Variants in TMEM131L observed in about 807,000 individuals in gnomAD.
TMEM131L encodes the protein transmembrane 131 like, also known as transmembrane protein 131-like.
In TMEM131L, 54 loss-of-function variants were observed where a neutral mutation model predicts 192.2. The observed-to-expected ratio is 0.28, with a 90% CI of 0.23 to 0.35. TMEM131L has a LOEUF of 0.35. TMEM131L is among the 10% of genes least tolerant of loss of function. TMEM131L has a pLI of 1.00. For missense variants in TMEM131L, 1,888 were observed against 1,972.9 expected, an observed-to-expected ratio of 0.96 and a Z score of 0.82; for synonymous variants, 701 against 704.9, an observed-to-expected ratio of 0.99 and a Z score of 0.09.
At chr4:153,564,679 C>A (rs1023110584) in intron 7 of TMEM131L, among the ~76,000 whole-genome samples, 27 of 152,126 alleles carry the variant, frequency 1.8e-4, no homozygotes, top group African/African-American at 5.6e-4. Flanking sequence ...TTGTTGCATT[C>A]TTCTTGTTGT....
intron 7 of TMEM131L, among the ~76,000 whole-genome samples, chr4:153,577,056 G>A (rs148266360): frequency 1.1e-3 from 173 of 152,284 alleles, no homozygotes; most frequent in South Asian, 0.01. Flanking sequence ...TGGTGTCTGA[G>A]AGGGTATTTA....
intron 3 of TMEM131L, among the ~76,000 whole-genome samples, chr4:153,487,377 G>A (rs1037185172): frequency 6.6e-6 from 1 of 152,038 alleles, no homozygotes; most frequent in Non-Finnish European, 1.5e-5. Context: ...GAGTGTGTCC[G>A]AAGAAGTTCT....
Position 153,498,349 on chromosome 4 carries a change from G to C in TMEM131L, c.239+24461G>C, listed in dbSNP as rs79996630. The stretch of plus-strand genomic sequence containing the variant: ...CAGAGAGGCAGGGTTTACAGCAGCA[G>C]AGCCAAGGAGGGCTGAGGCCAGCTT... On this transcript the variant is annotated intron_variant, in intron 3 of 34. Transcript: ENST00000409959. Among the ~76,000 whole-genome samples the C allele has an allele frequency of 7.3e-3, 1,119 of 152,314 alleles. 23 individuals are homozygous for C. In the East Asian group the frequency reaches 0.1, roughly 14 times the overall value.
chr4:153,592,483 CT>C lies in TMEM131L; in HGVS notation c.1824del (p.Phe608LeufsTer27). On this transcript the variant is annotated frameshift_variant, in exon 18 of 35. Coordinates refer to ENST00000409959, the MANE Select transcript of TMEM131L (RefSeq NM_001131007.2). LOFTEE classifies it high-confidence loss of function. Reference sequence around the variant, plus strand: ...TCTTTCCTCACACCTAGATCAAGTACTTTGTGGTGCAGAACCCGTCCTCTTG... The same window carrying C: ...TCTTTCCTCACACCTAGATCAAGTACTTGTGGTGCAGAACCCGTCCTCTTG... ...TALRSRMIKY[F>X]VVQNPSSWPV... 1 of 1,613,440 alleles carries C rather than the reference CT, an allele frequency of 6.2e-7. No individual in the cohort carries two copies. Among genetic ancestry groups the C allele is most frequent in the Non-Finnish European group, 8.5e-7 (1 of 1,179,398 alleles).
chr4:153,625,514 C>T (rs1027299690), intron 29 of TMEM131L, among the ~76,000 whole-genome samples: 6 of 152,082 alleles, frequency 3.9e-5, no homozygotes, highest in African/African-American at 1.2e-4. Context: ...GCATAGTATG[C>T]AGTCTTCAAG....
At chr4:153,503,300 C>A (rs909290392) in intron 3 of TMEM131L, among the ~76,000 whole-genome samples, 2 of 152,068 alleles carry the variant, frequency 1.3e-5, no homozygotes, top group Non-Finnish European at 2.9e-5. Flanking sequence ...TTCCTCCTTT[C>A]TCTGGGAGCA....
chr4:153,583,069 A>G (rs933808103), intron 9 of TMEM131L, 121 bp from the exon 10 acceptor site: 9 of 642,576 alleles, frequency 1.4e-5, no homozygotes, highest in East Asian at 5.7e-5. Flanking sequence ...ACAAGTTAAC[A>G]TTTTTTATAG....
chr4:153,572,056 T>C (rs974203877), intron 7 of TMEM131L, among the ~76,000 whole-genome samples: 6 of 152,234 alleles, frequency 3.9e-5, no homozygotes, highest in Admixed American at 3.9e-4. Flanking sequence ...TTTTTCCTTT[T>C]TAGTTGGCAT....
Position 153,602,273 on chromosome 4 carries a change from A to G in TMEM131L, c.2388A>G (p.Gly796=), listed in dbSNP as rs138033169. 19 of 1,613,846 alleles carry G rather than the reference A, an allele frequency of 1.2e-5. No homozygotes were observed. Among genetic ancestry groups the G allele is most frequent in the Non-Finnish European group, 1.6e-5 (19 of 1,179,940 alleles). ...ATGGGTATAACTGCCAAGGTTATGG[A>G]TTCGAGGTGCTGGATTGTCATCAGT... ...KINGYNCQGY[G]FEVLDCHQFS... is the part of the protein sequence containing the mutation. The change falls in exon 22 of 35, where the codon GGA becomes GGG. Residue 796 remains glycine (G), a synonymous_variant. Coordinates refer to ENST00000409959, the MANE Select transcript of TMEM131L (RefSeq NM_001131007.2).
At chr4:153,468,004 A>G (rs773193984) in intron 2 of TMEM131L, among the ~76,000 whole-genome samples, 70 of 152,334 alleles carry the variant, frequency 4.6e-4, no homozygotes, top group Non-Finnish European at 9.7e-4. Flanking sequence ...AACGGTAGTG[A>G]TCCAAAATGC....
chr4:153,589,136 G>C (rs767990968), intron 16 of TMEM131L, 129 bp downstream of exon 16: 37 of 607,280 alleles, frequency 6.1e-5, no homozygotes, highest in Non-Finnish European at 1.0e-4. Context: ...AACTGTAGCA[G>C]ACCCTATATA....
intron 3 of TMEM131L, among the ~76,000 whole-genome samples, chr4:153,478,035 C>T (rs974948428): frequency 3.9e-5 from 6 of 152,174 alleles, no homozygotes; most frequent in Admixed American, 2.6e-4. Flanking sequence ...GTCTGATCAA[C>T]CTTAATTTAT....
chr4:153,599,284 T>G (rs369098237), intron 21 of TMEM131L, among the ~76,000 whole-genome samples: 37 of 151,922 alleles, frequency 2.4e-4, no homozygotes, highest in African/African-American at 8.5e-4. Flanking sequence ...ATTGCGGGAG[T>G]CGGGGGAGGG....
chr4:153,581,556 C>T lies in TMEM131L; in HGVS notation c.888C>T (p.Thr296=), dbSNP rs910778003. 7.1e-5 allele frequency: 110 copies of T among 1,540,110 alleles called. No homozygotes were observed. The highest frequency in any genetic ancestry group is 9.4e-5 in the Non-Finnish European group (107 of 1,139,630). The change falls in exon 9 of 35, where the codon ACC becomes ACT. Residue 296 remains threonine, a synonymous_variant. Transcript: ENST00000409959. ...IVYVATDESE[T]SDDSAVNMYI... is the part of the protein sequence containing the mutation. ...ACGTAGCTACAGATGAATCTGAGAC[C>T]TCAGGTAAGGTGGAATGTTTAAAAA...
chr4:153,609,667 G>T (rs1732480928), intron 25 of TMEM131L, among the ~76,000 whole-genome samples: 1 of 152,088 alleles, frequency 6.6e-6, no homozygotes, highest in Admixed American at 6.5e-5. Context: ...TACTTTTTGG[G>T]GATGGTTTTG....
intron 7 of TMEM131L, among the ~76,000 whole-genome samples, chr4:153,566,506 T>A (rs1578759374): frequency 7.4e-6 from 1 of 134,496 alleles, no homozygotes; most frequent in Non-Finnish European, 1.5e-5. Flanking sequence ...TTTGTCTTTG[T>A]GTGTGAGTGT....
chr4:153,496,900 G>A (rs1386662248), intron 3 of TMEM131L, among the ~76,000 whole-genome samples: 1 of 151,662 alleles, frequency 6.6e-6, no homozygotes, highest in Non-Finnish European at 1.5e-5. Flanking sequence ...TCATTATGTG[G>A]CCTAGGCTGG....
At chr4:153,473,421 G>C (rs1348432164) in intron 2 of TMEM131L, among the ~76,000 whole-genome samples, 1 of 152,194 alleles carries the variant, frequency 6.6e-6, no homozygotes, top group Non-Finnish European at 1.5e-5. Flanking sequence ...GGACAGGTAG[G>C]AACTGGGTTT....
In TMEM131L at chr4:153,603,292, T is replaced by G; in HGVS notation, c.2640-11T>G. The G allele has an allele frequency of 6.2e-7, 1 of 1,611,908 alleles. No homozygotes were observed. The highest frequency in any genetic ancestry group is 8.5e-7 in the Non-Finnish European group (1 of 1,178,886). ...CCATGCAATACTGAACCTTGTTGCT[T>G]TCTTCCTCAGTTTGTCCCTGTTGGG... On this transcript the variant is annotated splice_polypyrimidine_tract_variant and intron_variant, in intron 23 of 34. Coordinates refer to ENST00000409959, the MANE Select transcript of TMEM131L (RefSeq NM_001131007.2).
Sources: allele counts gnomAD v4.1 joint callset (sites outside exome capture counted in the v4.1 genomes callset), GRCh38; gene constraint gnomAD v4.1.1; transcripts MANE v1.5; gene names NCBI Gene and HGNC (gene_info 2026-07-23, HGNC 2026-07-21).